ZNF804A: variants seen among roughly 807,000 people sequenced by gnomAD.
The protein encoded by ZNF804A is zinc finger protein 804A.
In ZNF804A, 2 loss-of-function variants were observed where a neutral mutation model predicts 16.5. The ratio of observed to expected loss-of-function variants is 0.12; its 90% confidence interval spans 0.05 to 0.38. The LOEUF is 0.38. Among genes scored for constraint, ZNF804A ranks in the 10% least tolerant of loss-of-function variants. The pLI is 0.99. For missense variants in ZNF804A, 1,473 were observed against 1,390.7 expected (o/e 1.06, Z -0.94); for synonymous variants, 534 against 489.6 (o/e 1.09, Z -1.20).
chr2:184,880,911 T>C (rs902914564), intron 2 of ZNF804A, among the ~76,000 whole-genome samples: 1 of 152,040 alleles, frequency 6.6e-6, no homozygotes, highest in Non-Finnish European at 1.5e-5. Context: ...ATTGTTAAAA[T>C]GACAATTAAA....
intron 2 of ZNF804A, among the ~76,000 whole-genome samples, chr2:184,894,563 C>A (rs891567871): frequency 6.6e-6 from 1 of 151,986 alleles, no homozygotes; most frequent in Non-Finnish European, 1.5e-5. Context: ...CTAGATTACA[C>A]TTTTATTAAT....
At chr2:184,870,383 A>T (rs2105813050) in intron 2 of ZNF804A, among the ~76,000 whole-genome samples, 1 of 152,134 alleles carries the variant, frequency 6.6e-6, no homozygotes, top group South Asian at 2.1e-4. Context: ...CTAATTCTTA[A>T]ACTAGATAGT....
chr2:184,831,592 GA>G (rs1695262719), intron 1 of ZNF804A, among the ~76,000 whole-genome samples: 1 of 151,998 alleles, frequency 6.6e-6, no homozygotes, highest in South Asian at 2.1e-4. Context: ...CCATGTTAAT[GA>G]ATCAGGAACT....
chr2:184,686,656 C>T (rs1270071664), intron 1 of ZNF804A, among the ~76,000 whole-genome samples: 1 of 152,146 alleles, frequency 6.6e-6, no homozygotes, highest in African/African-American at 2.4e-5. Context: ...TTTATGTTCC[C>T]ACCAACAGTA....
intron 2 of ZNF804A, among the ~76,000 whole-genome samples, chr2:184,923,857 G>A (rs889782834): frequency 2.0e-5 from 3 of 151,974 alleles, no homozygotes; most frequent in Non-Finnish European, 4.4e-5. Context: ...CACACTGATT[G>A]ACTTGCCTGT....
chr2:184,753,784 T>C (rs1693912955), intron 1 of ZNF804A, among the ~76,000 whole-genome samples: 1 of 151,864 alleles, frequency 6.6e-6, no homozygotes, highest in Non-Finnish European at 1.5e-5. Context: ...CACAGGAGCC[T>C]TCATGAAGGA....
intron 1 of ZNF804A, among the ~76,000 whole-genome samples, chr2:184,644,646 C>T (rs1375762199): frequency 6.6e-6 from 1 of 151,690 alleles, no homozygotes; most frequent in Non-Finnish European, 1.5e-5. Flanking sequence ...TTTGTTCGTT[C>T]TTAAACTACT....
chr2:184,712,659 T>C (rs746857648), intron 1 of ZNF804A, among the ~76,000 whole-genome samples: 2 of 151,780 alleles, frequency 1.3e-5, no homozygotes, highest in Non-Finnish European at 3.0e-5. Context: ...ATAATGCATA[T>C]ATTAGTTGGT....
intron 1 of ZNF804A, among the ~76,000 whole-genome samples, chr2:184,642,955 C>A (rs534031277): frequency 4.6e-4 from 70 of 152,006 alleles, no homozygotes; most frequent in Non-Finnish European, 8.8e-4. Flanking sequence ...TTGATATGAA[C>A]TTTTCATAAA....
chr2:184,907,255 T>C (rs780802646), intron 2 of ZNF804A, among the ~76,000 whole-genome samples: 5 of 151,928 alleles, frequency 3.3e-5, no homozygotes, highest in Non-Finnish European at 7.4e-5. Context: ...TAGCACATTC[T>C]CTCACCATCC....
Position 184,837,528 on chromosome 2 carries a change from G to A in ZNF804A, c.112-28841G>A, listed in dbSNP as rs148710670. Among the ~76,000 whole-genome samples the A allele has an allele frequency of 3.4e-3, 522 of 151,962 alleles. 6 individuals are homozygous for A. The highest frequency in any genetic ancestry group is 0.012 in the African/African-American group (491 of 41,468). On this transcript the variant is annotated intron_variant, in intron 1 of 3. Coordinates refer to ENST00000302277, the MANE Select transcript of ZNF804A (RefSeq NM_194250.2). ...TTAAAGAAAAATTAAAATCACTTATGGCACATACTGATAGAGTAAGAGGCA... is the reference window on the plus strand; with the variant it reads ...TTAAAGAAAAATTAAAATCACTTATAGCACATACTGATAGAGTAAGAGGCA...
At chr2:184,622,974 C>A (rs1376337114) in intron 1 of ZNF804A, among the ~76,000 whole-genome samples, 1 of 151,940 alleles carries the variant, frequency 6.6e-6, no homozygotes, top group Admixed American at 6.6e-5. Flanking sequence ...CAGTACTACA[C>A]AAATGAGAAG....
Position 184,937,522 on chromosome 2 carries a change from T to C in ZNF804A, c.2126T>C (p.Ile709Thr). ...AATGGACAATCAAATGCAACAATGA[T>C]ACATTCTGGGAAACATAATTTAACA... The part of the protein sequence containing the change: ...LLNGQSNATM[I>T]HSGKHNLTYS... The change falls in exon 4 of 4, where the codon ATA becomes ACA. Residue 709 changes from isoleucine (I) to threonine (T), a missense_variant. By Grantham distance (89) the Ile-to-Thr change is moderately conservative. Coordinates refer to ENST00000302277, the MANE Select transcript of ZNF804A (RefSeq NM_194250.2). The C allele has an allele frequency of 6.2e-7, 1 of 1,612,296 alleles. No individual in the cohort carries two copies. The highest frequency in any genetic ancestry group is 8.5e-7 in the Non-Finnish European group (1 of 1,179,386).
chr2:184,649,698 C>T (rs977788511), intron 1 of ZNF804A, among the ~76,000 whole-genome samples: 2 of 151,796 alleles, frequency 1.3e-5, no homozygotes, highest in Non-Finnish European at 2.9e-5. Context: ...CTAGAATTTC[C>T]TCTGGAAGAA....
chr2:184,628,725 C>T (rs1691550949), intron 1 of ZNF804A, among the ~76,000 whole-genome samples: 1 of 151,970 alleles, frequency 6.6e-6, no homozygotes, highest in African/African-American at 2.4e-5. Context: ...ATTTCTATTG[C>T]ATACTGTGGT....
chr2:184,618,821 T>G (rs1002651587), intron 1 of ZNF804A, among the ~76,000 whole-genome samples: 1 of 152,130 alleles, frequency 6.6e-6, no homozygotes, highest in Non-Finnish European at 1.5e-5. Context: ...AGGAATAAGA[T>G]AAGCAAAGCT....
At chr2:184,671,335 G>A (rs1205198147) in intron 1 of ZNF804A, among the ~76,000 whole-genome samples, 2 of 152,158 alleles carry the variant, frequency 1.3e-5, no homozygotes, top group African/African-American at 4.8e-5. Context: ...TACTGTCTGG[G>A]TTGAATCATA....
chr2:184,786,472 A>G (rs970628739), intron 1 of ZNF804A, among the ~76,000 whole-genome samples: 9 of 152,034 alleles, frequency 5.9e-5, no homozygotes, highest in Non-Finnish European at 1.0e-4. Flanking sequence ...CTAAATCTTT[A>G]TAATAGTACC....
At chr2:184,892,446 T>C (rs1684999072) in intron 2 of ZNF804A, among the ~76,000 whole-genome samples, 1 of 151,714 alleles carries the variant, frequency 6.6e-6, no homozygotes, top group Non-Finnish European at 1.5e-5. Flanking sequence ...CATTAGCATT[T>C]TTCGCTTCCA....
Sources: allele counts gnomAD v4.1 joint callset (sites outside exome capture counted in the v4.1 genomes callset), GRCh38; gene constraint gnomAD v4.1.1; transcripts MANE v1.5; gene names NCBI Gene and HGNC (gene_info 2026-07-23, HGNC 2026-07-21).